Variants in MCCC1 observed in about 807,000 individuals in gnomAD.
The protein encoded by MCCC1 is methylcrotonoyl-CoA carboxylase subunit alpha, mitochondrial.
A neutral mutation model predicts 83.8 loss-of-function variants in MCCC1; 64 were observed. The observed-to-expected ratio is 0.76, with a 90% CI of 0.62 to 0.94. MCCC1 has a LOEUF of 0.94. Ranked by LOEUF, MCCC1 falls within the 40% of genes least tolerant of loss-of-function variation. The probability of loss-of-function intolerance (pLI) is 0.00; values close to 1 mark genes in which losing one functional copy is unlikely to be tolerated. For synonymous variants in MCCC1, 322 were observed against 315.4 expected, an observed-to-expected ratio of 1.02 and a Z score of -0.22; for missense variants, 807 against 904.7, an observed-to-expected ratio of 0.89 and a Z score of 1.39.
intron 9 of MCCC1, among the ~76,000 whole-genome samples, chr3:183,048,468 A>G (rs913414605): frequency 6.6e-6 from 1 of 152,242 alleles, no homozygotes; most frequent in Non-Finnish European, 1.5e-5. Flanking sequence ...GCGAGTAGCC[A>G]TCTTAATTTT....
At chr3:183,055,519 A>G (rs962701258) in intron 8 of MCCC1, among the ~76,000 whole-genome samples, 1 of 152,222 alleles carries the variant, frequency 6.6e-6, no homozygotes, top group Admixed American at 6.5e-5. Flanking sequence ...ATTTCTATGC[A>G]TTGCAGATAT....
intron 8 of MCCC1, among the ~76,000 whole-genome samples, chr3:183,054,300 C>T (rs1037088359): frequency 6.6e-5 from 10 of 151,892 alleles, no homozygotes; most frequent in African/African-American, 2.4e-4. Context: ...ATTCTCCTGC[C>T]TCAGCCTCCT....
intron 3 of MCCC1, 113 bp downstream of exon 3, chr3:183,092,296 C>G (rs1577362939): frequency 7.4e-7 from 1 of 1,359,422 alleles, no homozygotes; most frequent in African/African-American, 1.4e-5. Context: ...TTTGAACTTA[C>G]CTACTTCAAC....
intron 7 of MCCC1, among the ~76,000 whole-genome samples, chr3:183,061,005 C>T (rs1715792087): frequency 6.6e-6 from 1 of 152,156 alleles, no homozygotes; most frequent in South Asian, 2.1e-4. Flanking sequence ...TGCCTGCGCT[C>T]ACTGAAGCCA....
chr3:183,026,147 A>T (rs745886479), intron 14 of MCCC1, among the ~76,000 whole-genome samples: 35 of 152,234 alleles, frequency 2.3e-4, no homozygotes, highest in Middle Eastern at 6.8e-3. Flanking sequence ...GGGTCAGGTG[A>T]TCCCCTCACC....
Position 183,017,350 on chromosome 3 carries a change from T to C in MCCC1, c.1978-13A>G. 3.1e-6 allele frequency: 5 copies of C among 1,613,184 alleles called. No individual in the cohort carries two copies. Among genetic ancestry groups the C allele is most frequent in the Non-Finnish European group, 4.2e-6 (5 of 1,179,690 alleles). ...CTTTGACAAACACCTTGAGATTCAG[T>C]GTGACAGGTTAATATTTGAAAACAC... is the stretch of plus-strand genomic sequence containing the variant. On this transcript the variant is annotated splice_polypyrimidine_tract_variant and intron_variant, in intron 17 of 18. Transcript: ENST00000265594.
At chr3:183,018,141 C>G (rs1711841265) in intron 17 of MCCC1, among the ~76,000 whole-genome samples, 1 of 151,724 alleles carries the variant, frequency 6.6e-6, no homozygotes. Flanking sequence ...AGGCCTACAG[C>G]CCAAATGCAC....
At chr3:183,053,182 T>C (rs1402362336) in intron 8 of MCCC1, among the ~76,000 whole-genome samples, 1 of 152,016 alleles carries the variant, frequency 6.6e-6, no homozygotes, top group African/African-American at 2.4e-5. Context: ...GTTAAAAAGT[T>C]AAAACAGGCC....
intron 7 of MCCC1, among the ~76,000 whole-genome samples, chr3:183,067,987 C>G (rs1004948716): frequency 6.6e-5 from 10 of 152,154 alleles, no homozygotes; most frequent in Non-Finnish European, 1.5e-5. Flanking sequence ...CTAAGCTCCT[C>G]TCTCTATACT....
At chr3:183,068,375 C>G (rs1716408192) in intron 7 of MCCC1, among the ~76,000 whole-genome samples, 1 of 152,178 alleles carries the variant, frequency 6.6e-6, no homozygotes, top group African/African-American at 2.4e-5. Context: ...GTCGTCTTCA[C>G]TGCTACACTC....
At chr3:183,114,644 T>G (rs920120907) in intron 1 of MCCC1, among the ~76,000 whole-genome samples, 2 of 152,188 alleles carry the variant, frequency 1.3e-5, no homozygotes, top group Non-Finnish European at 2.9e-5. Context: ...TCAAGTCCCT[T>G]TGGGGGAAGA....
intron 15 of MCCC1, 152 bp from the exon 16 acceptor site, chr3:183,022,706 T>C (rs1712258101): frequency 1.5e-6 from 1 of 687,084 alleles, no homozygotes; most frequent in African/African-American, 1.8e-5. Context: ...TCATGGAACT[T>C]TTCCCCTATT....
rs543218466 is a variant in MCCC1 at position 183,028,661 on chromosome 3, G to C, written c.1682-2857C>G. ...GGGGTTCAAAACTTTAGCAGAGGAA[G>C]TAACTGCAGATGTGGTAGAAATAGT... is the stretch of plus-strand genomic sequence containing the variant. On this transcript the variant is annotated intron_variant, in intron 14 of 18. Coordinates refer to ENST00000265594, the MANE Select transcript of MCCC1 (RefSeq NM_020166.5). 2.6e-5 allele frequency among the ~76,000 whole-genome samples: 4 copies of C among 152,316 alleles called. No individual in the cohort carries two copies. In the South Asian group the frequency reaches 8.3e-4, roughly 32 times the overall value.
chr3:183,093,906 A>T (rs1032986737), intron 2 of MCCC1, among the ~76,000 whole-genome samples: 4 of 152,224 alleles, frequency 2.6e-5, no homozygotes, highest in Admixed American at 2.6e-4. Context: ...TACTTAAAAT[A>T]GCTTTTTCAA....
chr3:183,035,351 A>G (rs1478897418), intron 13 of MCCC1, among the ~76,000 whole-genome samples: 1 of 152,208 alleles, frequency 6.6e-6, no homozygotes. Context: ...TCGGGACTTA[A>G]AACATTTTAC....
chr3:183,071,380 A>G (rs1560257445), intron 5 of MCCC1, 23 bp from the exon 6 acceptor site: 3 of 1,614,184 alleles, frequency 1.9e-6, no homozygotes, highest in Admixed American at 1.7e-5. Flanking sequence ...AAAGAAAACA[A>G]CATGCCCCAA....
chr3:183,103,208 G>A (rs1719347522), upstream of MCCC1, among the ~76,000 whole-genome samples: 1 of 151,952 alleles, frequency 6.6e-6, no homozygotes, highest in Non-Finnish European at 1.5e-5. Flanking sequence ...AAGGCAATGT[G>A]GACCCAAAGA....
intron 15 of MCCC1, among the ~76,000 whole-genome samples, chr3:183,024,895 T>C (rs1712457138): frequency 6.6e-6 from 1 of 151,914 alleles, no homozygotes; most frequent in African/African-American, 2.4e-5. Flanking sequence ...AACCCGAATG[T>C]TCATTAATGG....
chr3:183,088,128 G>T (rs1315907552), intron 3 of MCCC1, among the ~76,000 whole-genome samples: 1 of 151,992 alleles, frequency 6.6e-6, no homozygotes, highest in African/African-American at 2.4e-5. Flanking sequence ...CCTGTGAGAG[G>T]TTAAAAAGCT....
Sources: gnomAD v4.1 joint callset for allele counts (sites outside exome capture counted in the v4.1 genomes callset) on GRCh38, gnomAD v4.1.1 for gene constraint, MANE v1.5 for transcripts, NCBI Gene and HGNC (gene_info 2026-07-23, HGNC 2026-07-21) for gene names.